The following SUPT3H variants were observed in gnomAD, a reference collection of about 807,000 sequenced individuals.
SUPT3H encodes the protein SPT3 homolog, SAGA and STAGA complex component.
SUPT3H carries 44 observed loss-of-function variants against 44.3 expected under a neutral mutation model. The ratio of observed to expected loss-of-function variants is 0.99; its 90% CI spans 0.78 to 1.28. The LOEUF (loss-of-function observed/expected upper bound fraction) is 1.28. SUPT3H is among the 50% of genes most tolerant of loss of function. The pLI is 0.00. For synonymous variants in SUPT3H, 124 were observed against 125.6 expected, an observed-to-expected ratio of 0.99 and a Z score of 0.09; for missense variants, 380 against 387.1, an observed-to-expected ratio of 0.98 and a Z score of 0.15.
intron 2 of SUPT3H, among the ~76,000 whole-genome samples, chr6:45,285,410 T>A (rs1483580020): frequency 6.6e-6 from 1 of 152,154 alleles, no homozygotes; most frequent in African/African-American, 2.4e-5. Flanking sequence ...GGATACAAAA[T>A]CAATGTGCAA....
chr6:44,818,530 T>C (rs979513565), intron 11 of SUPT3H, among the ~76,000 whole-genome samples: 1 of 152,154 alleles, frequency 6.6e-6, no homozygotes, highest in East Asian at 1.9e-4. Context: ...AAGAACAAGC[T>C]CCAGACTTGA....
intron 2 of SUPT3H, among the ~76,000 whole-genome samples, chr6:45,281,767 T>A (rs929963965): frequency 2.6e-5 from 4 of 152,114 alleles, no homozygotes; most frequent in Admixed American, 2.6e-4. Flanking sequence ...CAGCTGGAGA[T>A]CTGAGAACAG....
chr6:45,180,640 G>A lies in SUPT3H; in HGVS notation c.102-74634C>T, dbSNP rs894549730. Among the ~76,000 whole-genome samples the A allele has an allele frequency of 7.2e-3, 1,099 of 152,146 alleles. 19 individuals are homozygous for A. Among genetic ancestry groups the A allele is most frequent in the African/African-American group, 0.025 (1,046 of 41,494 alleles). ...GGAAAGGATTCCCTATTTAATAAAC[G>A]GTGCTGGGAAAATTGGCTAGCCATA... On this transcript the variant is annotated intron_variant, in intron 2 of 10. Transcript: ENST00000371459.
chr6:44,953,183 T>G (rs1367973397), intron 9 of SUPT3H, 127 bp downstream of exon 9: 3 of 681,044 alleles, frequency 4.4e-6, no homozygotes, highest in Non-Finnish European at 5.0e-6. Flanking sequence ...GAATGTCTAA[T>G]GTATTAAGAT....
chr6:45,254,647 T>C (rs1172996001), intron 2 of SUPT3H, among the ~76,000 whole-genome samples: 2 of 152,080 alleles, frequency 1.3e-5, no homozygotes, highest in African/African-American at 2.4e-5. Context: ...AAACGCTGAA[T>C]CACATGCCTT....
chr6:45,331,104 GGTGT>G (rs143223149), intron 2 of SUPT3H, among the ~76,000 whole-genome samples: 118 of 149,714 alleles, frequency 7.9e-4, no homozygotes, highest in Middle Eastern at 3.4e-3. Flanking sequence ...TACAATGAGT[GGTGT>G]GTGTGTGTGT....
intron 2 of SUPT3H, among the ~76,000 whole-genome samples, chr6:45,299,442 T>C (rs1327398638): frequency 1.3e-5 from 2 of 152,130 alleles, no homozygotes; most frequent in Non-Finnish European, 2.9e-5. Context: ...AAAGAAATCT[T>C]AACTGAAGAT....
intron 10 of SUPT3H, among the ~76,000 whole-genome samples, chr6:44,891,679 G>A (rs1233145690): frequency 6.6e-6 from 1 of 151,982 alleles, no homozygotes; most frequent in Non-Finnish European, 1.5e-5. Flanking sequence ...AATGGATAGT[G>A]GTGGTGGTTG....
chr6:44,859,725 A>G (rs1203676792), intron 10 of SUPT3H, among the ~76,000 whole-genome samples: 1 of 152,252 alleles, frequency 6.6e-6, no homozygotes, highest in South Asian at 2.1e-4. Flanking sequence ...ACATTGAAAC[A>G]TAAGTCCATT....
chr6:45,225,719 G>A (rs1198953923), intron 2 of SUPT3H, among the ~76,000 whole-genome samples: 1 of 152,024 alleles, frequency 6.6e-6, no homozygotes, highest in African/African-American at 2.4e-5. Flanking sequence ...TTTTAACAGA[G>A]TCTGCTGTAG....
rs542118182 is a variant in SUPT3H, at chr6:44,909,860, A to G, written c.912+22793T>C. ...TTTTAGAAATGTTGGCAGGCTATCAAATTTTCAAACTTTAAATGAAGTTTA... is the reference window on the plus strand; with the variant it reads ...TTTTAGAAATGTTGGCAGGCTATCAGATTTTCAAACTTTAAATGAAGTTTA... On this transcript the variant is annotated intron_variant, in intron 10 of 10. Coordinates refer to ENST00000371459, the MANE Select transcript of SUPT3H (RefSeq NM_003599.4). Among the ~76,000 whole-genome samples the G allele has an allele frequency of 2.6e-5, 4 of 152,332 alleles. No individual in the cohort carries two copies. The South Asian group carries it at 8.3e-4, about 32-fold the overall frequency.
chr6:44,824,238 G>T (rs571419369), downstream of SUPT3H, among the ~76,000 whole-genome samples: 4 of 152,334 alleles, frequency 2.6e-5, no homozygotes, highest in Admixed American at 1.3e-4. Context: ...TGCAGTAGTT[G>T]GTGCTGCTTA....
At chr6:44,922,778 ATCT>A (rs1027916943) in intron 10 of SUPT3H, among the ~76,000 whole-genome samples, 1 of 152,260 alleles carries the variant, frequency 6.6e-6, no homozygotes, top group East Asian at 1.9e-4. Flanking sequence ...AGTATTTATA[ATCT>A]TCTTGTTTCT....
At chr6:44,860,579 A>G (rs1434720789) in intron 10 of SUPT3H, among the ~76,000 whole-genome samples, 2 of 152,334 alleles carry the variant, frequency 1.3e-5, no homozygotes, top group East Asian at 1.9e-4. Context: ...TTTTGCCATT[A>G]TAACAGGATT....
At chr6:45,034,937 T>A (rs936763409) in intron 3 of SUPT3H, among the ~76,000 whole-genome samples, 4 of 152,316 alleles carry the variant, frequency 2.6e-5, no homozygotes, top group Admixed American at 2.0e-4. Context: ...TTTTCCCATT[T>A]TCCTTAGGAC....
chr6:45,365,297 T>C lies in SUPT3H; in HGVS notation c.5A>G (p.Asn2Ser), dbSNP rs1794938797. The C allele has an allele frequency of 6.2e-7, 1 of 1,606,462 alleles. No individual in the cohort carries two copies. Among genetic ancestry groups the C allele is most frequent in the South Asian group, 1.1e-5 (1 of 90,540 alleles). The change falls in exon 2 of 11, where the codon AAT (asparagine) becomes AGT (serine). Residue 2 changes from asparagine (N) to serine (S), a missense_variant. By Grantham distance (46) the Asn-to-Ser change is conservative. Transcript: ENST00000371459. The part of the protein sequence containing the change: M[N>S]NTAASPMSTA... ...AGACATTGGACTAGCTGCCGTATTATTCATCTAAATAAAAAGGAGAAATAA... is the reference window on the plus strand; with the variant it reads ...AGACATTGGACTAGCTGCCGTATTACTCATCTAAATAAAAAGGAGAAATAA...
Position 45,128,503 on chromosome 6 carries a change from C to CAAA in SUPT3H, c.102-22500_102-22498dup, listed in dbSNP as rs1168489460. 3.1e-3 allele frequency among the ~76,000 whole-genome samples: 39 copies of CAAA among 12,460 alleles called. 3 individuals carry two copies. Among genetic ancestry groups the CAAA allele is most frequent in the African/African-American group, 7.7e-3 (17 of 2,200 alleles). 8.2% of individuals were successfully genotyped at this position (12,460 alleles called of 152,430 possible). A position where few individuals can be genotyped will look rare whatever the true frequency, so the allele number is the denominator to read the frequency against. ...CTGGCAACAGAGCAAGACTCTGTCTCAAAAAAAAAAAAAAAAAAAAAAAAA... is the reference window on the plus strand; with the variant it reads ...CTGGCAACAGAGCAAGACTCTGTCTCAAAAAAAAAAAAAAAAAAAAAAAAAAAA... On this transcript the variant is annotated intron_variant, in intron 2 of 10. Transcript: ENST00000371459.
At chr6:45,096,805 GT>G (rs534818011) in intron 3 of SUPT3H, among the ~76,000 whole-genome samples, 3 of 151,148 alleles carry the variant, frequency 2.0e-5, no homozygotes, top group African/African-American at 7.3e-5. Flanking sequence ...ACTAAGGGAG[GT>G]TTTTTTTTAA....
chr6:45,362,286 T>C (rs1277764668), intron 2 of SUPT3H, among the ~76,000 whole-genome samples: 1 of 152,134 alleles, frequency 6.6e-6, no homozygotes, highest in East Asian at 1.9e-4. Flanking sequence ...GTTACTTATT[T>C]AGACACCAGG....
Sources: allele counts gnomAD v4.1 joint callset (sites outside exome capture counted in the v4.1 genomes callset), GRCh38; gene constraint gnomAD v4.1.1; transcripts MANE v1.5; gene names NCBI Gene and HGNC (gene_info 2026-07-23, HGNC 2026-07-21).